Variants in KCTD15 observed in about 807,000 individuals in gnomAD.
The protein encoded by KCTD15 is BTB/POZ domain-containing protein KCTD15.
In KCTD15, 11 loss-of-function variants were observed where a neutral mutation model predicts 27.2. The ratio of observed to expected loss-of-function variants is 0.41; its 90% CI spans 0.25 to 0.67. The LOEUF is 0.67. Ranked by LOEUF, KCTD15 falls within the 30% of genes least tolerant of loss-of-function variation. The pLI is 0.35. For synonymous variants in KCTD15, 163 were observed against 176.0 expected (o/e 0.93, Z 0.58); for missense variants, 350 against 409.3 (o/e 0.86, Z 1.25).
intron 5 of KCTD15, among the ~76,000 whole-genome samples, chr19:33,810,209 C>T (rs1975847671): frequency 6.6e-6 from 1 of 152,148 alleles, no homozygotes; most frequent in Non-Finnish European, 1.5e-5. Context: ...GTATCAGCGC[C>T]TGAGGGACAG....
chr19:33,795,012 A>AC (rs565953263), upstream of KCTD15, among the ~76,000 whole-genome samples: 6 of 152,198 alleles, frequency 3.9e-5, no homozygotes, highest in African/African-American at 1.4e-4. Flanking sequence ...GCCCCTCCCA[A>AC]CCCCTGCACA....
chr19:33,802,788 G>A (rs1332408446), intron 4 of KCTD15, among the ~76,000 whole-genome samples: 2 of 152,222 alleles, frequency 1.3e-5, no homozygotes, highest in Non-Finnish European at 2.9e-5. Flanking sequence ...GGTTGACGAC[G>A]TTTGTGAGTG....
chr19:33,795,226 G>C (rs1975279177), upstream of KCTD15, among the ~76,000 whole-genome samples: 1 of 152,210 alleles, frequency 6.6e-6, no homozygotes, highest in Non-Finnish European at 1.5e-5. Flanking sequence ...TTTTCCTGTA[G>C]TTCGAACTCG....
Position 33,806,957 on chromosome 19 carries a change from G to C in KCTD15, c.337G>C (p.Val113Leu). ...CCGGGATGGGGAGATTTTCCGCTAC[G>C]TCCTGAGCTTCCTGCGGACGTCCAA... is the stretch of plus-strand genomic sequence containing the variant. ...IDRDGEIFRY[V>L]LSFLRTSKLL... is the part of the protein sequence containing the mutation. The change falls in exon 5 of 7, where the codon GTC (valine) becomes CTC (leucine). Residue 113 changes from valine (V) to leucine (L), a missense_variant. By Grantham distance (32) the Val-to-Leu change is conservative. Transcript: ENST00000683859. 1 of 1,614,184 alleles carries C rather than the reference G, an allele frequency of 6.2e-7. No homozygotes were observed. Among genetic ancestry groups the C allele is most frequent in the Non-Finnish European group, 8.5e-7 (1 of 1,180,040 alleles).
intron 1 of KCTD15, among the ~76,000 whole-genome samples, chr19:33,797,247 G>GGTGTGTGTGTGTGTGTGTGTGT (rs751185346): frequency 8.3e-6 from 1 of 120,710 alleles, no homozygotes. Context: ...CCTGCCGCGC[G>GGTGTGTGTGTGTGTGTGTGTGT]GTGTGTGTGT....
intron 2 of KCTD15, chr19:33,799,695 T>G (rs1234398026): frequency 2.6e-5 from 4 of 152,608 alleles, no homozygotes; most frequent in African/African-American, 9.6e-5. Context: ...CCTGGCCACC[T>G]GGCCATCTCC....
At chr19:33,797,484 C>G (rs1315357246) in intron 1 of KCTD15, 10 of 420,094 alleles carry the variant, frequency 2.4e-5, no homozygotes, top group Non-Finnish European at 4.9e-5. Flanking sequence ...GACGCCCACC[C>G]CACGAGTCCG....
At chr19:33,800,956 C>T (rs1452918893) in intron 3 of KCTD15, among the ~76,000 whole-genome samples, 3 of 151,990 alleles carry the variant, frequency 2.0e-5, no homozygotes, top group African/African-American at 7.3e-5. Context: ...CTTTCTTTTT[C>T]CCTCTGGTAC....
intron 5 of KCTD15, among the ~76,000 whole-genome samples, chr19:33,810,967 C>T (rs546458564): frequency 1.7e-4 from 26 of 152,116 alleles, no homozygotes; most frequent in African/African-American, 6.3e-4. Flanking sequence ...CATGGGGAGG[C>T]TTCACTGCCC....
rs1016321174 is a variant in KCTD15, at chr19:33,801,183, C to A, written c.83C>A (p.Ser28Tyr). 1 of 1,606,580 alleles carries A rather than the reference C, an allele frequency of 6.2e-7. No homozygotes were observed. Among genetic ancestry groups the A allele is most frequent in the Non-Finnish European group, 8.5e-7 (1 of 1,176,364 alleles). Reference sequence around the variant, plus strand: ...CATCTCTAGGAGGGAGGAAACATGTCCCGGCTGTCTCTCACCCGGTCGCCT... The same window carrying A: ...CATCTCTAGGAGGGAGGAAACATGTACCGGCTGTCTCTCACCCGGTCGCCT... ...STGTAEGGNM[S>Y]RLSLTRSPVS... The change falls in exon 4 of 7, where the codon TCC becomes TAC. Residue 28 changes from serine to tyrosine, a missense_variant. Physicochemically the swap from Ser to Tyr is moderately radical, Grantham distance 144. Transcript: ENST00000683859.
chr19:33,796,829 T>C (rs865884109), upstream of KCTD15: 3 of 9,142 alleles, frequency 3.3e-4, no homozygotes, highest in Admixed American at 1.3e-3. Context: ...GCGGGAGGGG[T>C]GGGTGGGGGG....
intron 1 of KCTD15, among the ~76,000 whole-genome samples, chr19:33,797,757 G>T (rs1975389011): frequency 6.6e-6 from 1 of 152,196 alleles, no homozygotes; most frequent in South Asian, 2.1e-4. Context: ...TTTTCGCTCC[G>T]TATCTCAAAT....
intron 4 of KCTD15, among the ~76,000 whole-genome samples, chr19:33,805,985 C>T (rs926334476): frequency 6.6e-6 from 1 of 152,230 alleles, no homozygotes; most frequent in Non-Finnish European, 1.5e-5. Flanking sequence ...GACAGGGTAC[C>T]GGCACCTGCC....
At position 33,813,635 on chromosome 19, in the gene KCTD15, TG is replaced by T. The variant is rs1308301349; in HGVS notation, c.*692del. On this transcript the variant is annotated 3_prime_UTR_variant, in exon 7 of 7. Transcript: ENST00000683859. ...CTGAGACCTTCACGTTTGCTGCCGT[TG>T]GGGGCTCAGGCTGCACTCCCCGGGT... is the stretch of plus-strand genomic sequence containing the variant. 20 of 326,376 alleles carry T rather than the reference TG, an allele frequency of 6.1e-5. No homozygotes were observed. The highest frequency in any genetic ancestry group is 9.6e-5 in the Non-Finnish European group (16 of 165,930). 20.2% of individuals were successfully genotyped at this position (326,376 alleles called of 1,614,324 possible).
chr19:33,813,610 CT>C lies in KCTD15; in HGVS notation c.*663del. On this transcript the variant is annotated 3_prime_UTR_variant, in exon 7 of 7. Coordinates refer to ENST00000683859, the MANE Select transcript of KCTD15 (RefSeq NM_001129994.2). Reference sequence around the variant, plus strand: ...GAGGGCTGAGTGATTCTGTAACCACCTGAGACCTTCACGTTTGCTGCCGTTG... The same window carrying C: ...GAGGGCTGAGTGATTCTGTAACCACCGAGACCTTCACGTTTGCTGCCGTTG... 2 of 336,590 alleles carry C rather than the reference CT, an allele frequency of 5.9e-6. No individual in the cohort carries two copies. The highest frequency in any genetic ancestry group is 2.2e-5 in the South Asian group (1 of 45,262). The allele number at this position is 336,590 out of a possible 1,614,324, so 20.9% of individuals were successfully genotyped here.
chr19:33,811,971 C>A, intron 6 of KCTD15: 1 of 1,498,276 alleles, frequency 6.7e-7, no homozygotes, highest in Non-Finnish European at 8.9e-7. Flanking sequence ...AGGCACCCAC[C>A]AGCTGCCAAG....
chr19:33,807,270 G>A (rs887777473), intron 5 of KCTD15, among the ~76,000 whole-genome samples: 6 of 152,240 alleles, frequency 3.9e-5, no homozygotes, highest in African/African-American at 9.6e-5. Flanking sequence ...GCGTGCCAGC[G>A]TTATAGTAGT....
chr19:33,800,347 G>A, intron 2 of KCTD15, 81 bp from the exon 3 acceptor site: 1 of 1,173,118 alleles, frequency 8.5e-7, no homozygotes, highest in Non-Finnish European at 1.2e-6. Context: ...ATGCAGAAAG[G>A]ACAATTCTAA....
intron 1 of KCTD15, among the ~76,000 whole-genome samples, chr19:33,797,836 G>A (rs1400631493): frequency 1.3e-5 from 2 of 152,102 alleles, no homozygotes; most frequent in African/African-American, 4.8e-5. Context: ...TTTTAATCCC[G>A]GCAACAATAA....
Sources: gnomAD v4.1 joint callset for allele counts (sites outside exome capture counted in the v4.1 genomes callset) on GRCh38, gnomAD v4.1.1 for gene constraint, MANE v1.5 for transcripts, NCBI Gene and HGNC (gene_info 2026-07-23, HGNC 2026-07-21) for gene names.